MARCHF11: variants seen among roughly 807,000 people sequenced by gnomAD.
MARCHF11 encodes the protein membrane associated ring-CH-type finger 11.
MARCHF11 carries 29 observed loss-of-function variants against 37.3 expected under a neutral mutation model. The observed-to-expected ratio is 0.78, with a 90% CI of 0.58 to 1.06. The LOEUF (loss-of-function observed/expected upper bound fraction) is 1.06, where lower values mean the gene tolerates loss of function less well. MARCHF11 is among the 50% of genes least tolerant of loss of function. The pLI is 0.00. For missense variants in MARCHF11, 482 were observed against 533.4 expected, an observed-to-expected ratio of 0.90 and a Z score of 0.95; for synonymous variants, 233 against 228.0, an observed-to-expected ratio of 1.02 and a Z score of -0.20.
intron 2 of MARCHF11, among the ~76,000 whole-genome samples, chr5:16,148,835 G>C (rs533714278): frequency 7.2e-5 from 11 of 152,238 alleles, no homozygotes; most frequent in East Asian, 1.9e-4. Flanking sequence ...GGACAGACAG[G>C]CATGCTCAGC....
chr5:16,069,981 A>C (rs1177496994), intron 3 of MARCHF11, among the ~76,000 whole-genome samples: 2 of 152,194 alleles, frequency 1.3e-5, no homozygotes, highest in African/African-American at 4.8e-5. Flanking sequence ...GGCTACAAAA[A>C]ATGCATGTGG....
intron 2 of MARCHF11, among the ~76,000 whole-genome samples, chr5:16,115,312 G>A (rs1374879943): frequency 6.6e-6 from 1 of 152,102 alleles, no homozygotes; most frequent in Admixed American, 6.5e-5. Flanking sequence ...CCACTTCTGT[G>A]CGTCCGTGAA....
At chr5:16,153,586 C>A (rs528712096) in intron 2 of MARCHF11, among the ~76,000 whole-genome samples, 2 of 152,044 alleles carry the variant, frequency 1.3e-5, no homozygotes, top group South Asian at 2.1e-4. Flanking sequence ...GCGCAGTATT[C>A]TTTACATGGC....
intron 2 of MARCHF11, among the ~76,000 whole-genome samples, chr5:16,096,205 A>G (rs1736865846): frequency 6.6e-6 from 1 of 152,230 alleles, no homozygotes; most frequent in African/African-American, 2.4e-5. Flanking sequence ...GGCTGTGGCA[A>G]TGGAAGAAAT....
chr5:16,160,579 G>A (rs763689504), intron 2 of MARCHF11, among the ~76,000 whole-genome samples: 3 of 151,382 alleles, frequency 2.0e-5, no homozygotes, highest in Non-Finnish European at 4.4e-5. Context: ...TATTATGCCT[G>A]AGATCACATG....
At chr5:16,085,203 G>C (rs1473424316) in intron 3 of MARCHF11, among the ~76,000 whole-genome samples, 4 of 151,332 alleles carry the variant, frequency 2.6e-5, no homozygotes, top group African/African-American at 4.9e-5. Context: ...AATTATAATA[G>C]ATTTTTTTTT....
chr5:16,178,148 A>G (rs1407910199), intron 1 of MARCHF11, among the ~76,000 whole-genome samples: 1 of 152,246 alleles, frequency 6.6e-6, no homozygotes. Flanking sequence ...CCGTGGGGGA[A>G]AGCTGTACTA....
chr5:16,108,271 C>T (rs569844094), intron 2 of MARCHF11, among the ~76,000 whole-genome samples: 1 of 152,304 alleles, frequency 6.6e-6, no homozygotes, highest in East Asian at 1.9e-4. Flanking sequence ...AAAGCACTCA[C>T]CCAGGCTCCA....
intron 2 of MARCHF11, among the ~76,000 whole-genome samples, chr5:16,113,257 A>T (rs1737177380): frequency 6.6e-6 from 1 of 152,164 alleles, no homozygotes; most frequent in South Asian, 2.1e-4. Flanking sequence ...TTGTAACATA[A>T]TTTTTTTCAG....
intron 2 of MARCHF11, among the ~76,000 whole-genome samples, chr5:16,135,863 A>T (rs1433731368): frequency 7.1e-6 from 1 of 139,944 alleles, no homozygotes; most frequent in East Asian, 2.3e-4. Flanking sequence ...GCGGGAAGGG[A>T]GGAAGTGAAA....
chr5:16,076,062 C>A (rs1341411897), intron 3 of MARCHF11, among the ~76,000 whole-genome samples: 1 of 152,174 alleles, frequency 6.6e-6, no homozygotes, highest in African/African-American at 2.4e-5. Flanking sequence ...TCTTTTCAGG[C>A]AAAATAGAGA....
intron 2 of MARCHF11, among the ~76,000 whole-genome samples, chr5:16,105,758 C>G (rs1737029172): frequency 6.6e-6 from 1 of 152,092 alleles, no homozygotes; most frequent in African/African-American, 2.4e-5. Context: ...GGCCAAACAC[C>G]TCTCAATCTC....
At chr5:16,119,668 C>CTATTCA in intron 2 of MARCHF11, among the ~76,000 whole-genome samples, 1 of 151,934 alleles carries the variant, frequency 6.6e-6, no homozygotes, top group African/African-American at 2.4e-5. Context: ...AAAAAAATGC[C>CTATTCA]TATTCATGAA....
intron 2 of MARCHF11, among the ~76,000 whole-genome samples, chr5:16,125,464 T>C (rs1737387538): frequency 6.6e-6 from 1 of 152,160 alleles, no homozygotes; most frequent in Admixed American, 6.5e-5. Flanking sequence ...TTTTAAAGCA[T>C]AGAATTAACT....
intron 2 of MARCHF11, among the ~76,000 whole-genome samples, chr5:16,123,404 T>C (rs72738270): frequency 0.079 from 11,960 of 152,190 alleles, 643 homozygotes; most frequent in Non-Finnish European, 0.12. Context: ...CAGACCTTCA[T>C]AGCCCTCAGA....
intron 3 of MARCHF11, among the ~76,000 whole-genome samples, chr5:16,082,095 G>C (rs1736618426): frequency 6.6e-6 from 1 of 152,190 alleles, no homozygotes; most frequent in South Asian, 2.1e-4. Flanking sequence ...GCATATAAAG[G>C]ATAAAGCGTT....
chr5:16,179,668 G>A lies in MARCHF11; in HGVS notation c.-93C>T. The A allele has an allele frequency of 3.6e-6, 3 of 828,608 alleles. No individual in the cohort carries two copies. Among genetic ancestry groups the A allele is most frequent in the Non-Finnish European group, 4.4e-6 (3 of 684,564 alleles). The allele number at this position is 828,608 out of a possible 1,614,324, so 51.3% of individuals were successfully genotyped here. A position where few individuals can be genotyped will look rare whatever the true frequency, so the allele number is the denominator to read the frequency against. On this transcript the variant is annotated 5_prime_UTR_variant, in exon 1 of 4. Transcript: ENST00000332432. ...GCGCGGAGGGGGCGGGAGGGAGAGG[G>A]GAAAAGGAGGGAGGGGGCCCGGACG...
chr5:16,110,402 A>G lies in MARCHF11; in HGVS notation c.694-19321T>C, dbSNP rs182143308. Among the ~76,000 whole-genome samples, 72 of 152,280 alleles carry G rather than the reference A, an allele frequency of 4.7e-4. 1 individual carries two copies. Among genetic ancestry groups the G allele is most frequent in the Middle Eastern group, 6.8e-3 (2 of 294 alleles). On this transcript the variant is annotated intron_variant, in intron 2 of 3. Coordinates refer to ENST00000332432, the MANE Select transcript of MARCHF11 (RefSeq NM_001102562.3). ...TACAATGCTGGAGACTGACCAGTCC[A>G]CCTACTTTTGCATTTTTGCACTGCT...
intron 3 of MARCHF11, among the ~76,000 whole-genome samples, chr5:16,088,823 C>T (rs1355295503): frequency 6.6e-6 from 1 of 151,924 alleles, no homozygotes; most frequent in Non-Finnish European, 1.5e-5. Flanking sequence ...ATGAAAAGTG[C>T]CGTCAATATT....
Sources: allele counts gnomAD v4.1 joint callset (sites outside exome capture counted in the v4.1 genomes callset), GRCh38; gene constraint gnomAD v4.1.1; transcripts MANE v1.5; gene names NCBI Gene and HGNC (gene_info 2026-07-23, HGNC 2026-07-21).